Variants in ALAD observed in about 807,000 individuals in gnomAD.
ALAD encodes delta-aminolevulinic acid dehydratase.
A neutral mutation model predicts 44.4 loss-of-function variants in ALAD; 20 were observed. That is an observed-to-expected ratio of 0.45 (90% CI 0.32 to 0.65). The LOEUF (loss-of-function observed/expected upper bound fraction) is 0.65, where lower values mean the gene tolerates loss of function less well. Ranked by LOEUF, ALAD falls within the 30% of genes least tolerant of loss-of-function variation. The pLI, the probability that ALAD is intolerant of heterozygous loss-of-function variation, is 0.05. For missense variants in ALAD, 323 were observed against 445.7 expected (o/e 0.72, Z 2.48); for synonymous variants, 156 against 167.9 (o/e 0.93, Z 0.55).
Position 113,389,553 on chromosome 9 carries a change from T to C in ALAD, c.715-29A>G. 3 of 1,614,060 alleles carry C rather than the reference T, an allele frequency of 1.9e-6. No homozygotes were observed. In the African/African-American group the frequency reaches 4.0e-5, roughly 22 times the overall value. ...AGGGATGAGGGTATAATGTGGGTGG[T>C]GCCTAGGAGGGGGCTGAGGGTGGGG... On this transcript the variant is annotated intron_variant, in intron 9 of 11. Transcript: ENST00000409155.
chr9:113,389,182 T>C (rs775642490), intron 10 of ALAD, 76 bp from the exon 11 acceptor site: 1 of 1,587,862 alleles, frequency 6.3e-7, no homozygotes, highest in Non-Finnish European at 8.6e-7. Flanking sequence ...TCCCCCCTGC[T>C]CAATCTGTGA....
Position 113,388,055 on chromosome 9 carries a change from G to A in ALAD, c.*245C>T. On this transcript the variant is annotated 3_prime_UTR_variant, in exon 12 of 12. Transcript: ENST00000409155. Reference sequence around the variant, plus strand: ...AGAGGAAAGAGCTGAGGGTGGCAAAGGTGGGCCTCACGGCTGACCCAGGGG... The same window carrying A: ...AGAGGAAAGAGCTGAGGGTGGCAAAAGTGGGCCTCACGGCTGACCCAGGGG... The A allele has an allele frequency of 3.6e-6, 2 of 554,852 alleles. No homozygotes were observed. The highest frequency in any genetic ancestry group is 4.9e-4 in the Middle Eastern group (1 of 2,026). 34.4% of individuals were successfully genotyped at this position (554,852 alleles called of 1,614,324 possible).
At chr9:113,388,918 G>C (rs886377839) in intron 11 of ALAD, 59 bp downstream of exon 11, 30 of 1,612,702 alleles carry the variant, frequency 1.9e-5, no homozygotes, top group Non-Finnish European at 2.4e-5. Flanking sequence ...CCCAATCTAG[G>C]CAGAGTGCTT....
In ALAD at chr9:113,390,890, A is replaced by G. The variant is rs1827562999; in HGVS notation, c.305T>C (p.Ile102Thr). 1 of 1,614,138 alleles carries G rather than the reference A, an allele frequency of 6.2e-7. No individual in the cohort carries two copies. The highest frequency in any genetic ancestry group is 8.5e-7 in the Non-Finnish European group (1 of 1,180,014). The change falls in exon 5 of 12, where the codon ATT (isoleucine) becomes ACT (threonine). Residue 102 changes from isoleucine (I) to threonine (T), a missense_variant. Coordinates refer to ENST00000409155, the MANE Select transcript of ALAD (RefSeq NM_000031.6). The part of the protein sequence containing the change: ...SAADSEESPA[I>T]EAIHLLRKTF... ...CTTCCTCAACAGATGGATTGCCTCA[A>G]TAGCTGGGGACTCCTCGGAGTCAGC...
rs371116834 is a variant in ALAD, at chr9:113,394,020, C to T, written c.-75-386G>A. The stretch of plus-strand genomic sequence containing the variant: ...GTGGTGCAATCTCGACTCACTGCAG[C>T]CTTGACCTCCCGGGCTCAACTGTTT... On this transcript the variant is annotated intron_variant, in intron 1 of 11. Transcript: ENST00000409155. Among the ~76,000 whole-genome samples the T allele has an allele frequency of 1.7e-4, 26 of 151,166 alleles. No homozygotes were observed. In the East Asian group the frequency reaches 4.8e-3, roughly 28 times the overall value.
chr9:113,392,405 T>A, intron 2 of ALAD: 2 of 1,244,810 alleles, frequency 1.6e-6, no homozygotes, highest in Non-Finnish European at 2.1e-6. Flanking sequence ...GAACGGTAAT[T>A]ACAGGAAGGA....
chr9:113,392,238 AGGGATGGTT>A, intron 2 of ALAD, 69 bp from the exon 3 acceptor site: 1 of 1,611,218 alleles, frequency 6.2e-7, no homozygotes, highest in Non-Finnish European at 8.5e-7. Context: ...GGCGACTGAG[AGGGATGGTT>A]GGGAAGCAGG....
intron 1 of ALAD, among the ~76,000 whole-genome samples, chr9:113,393,874 C>T (rs1414924693): frequency 6.6e-6 from 1 of 152,054 alleles, no homozygotes; most frequent in Non-Finnish European, 1.5e-5. Flanking sequence ...TTTTATGTGA[C>T]TGCTTCTTGT....
Position 113,389,595 on chromosome 9 carries a change from TCAC to T in ALAD, c.714+1_714+3del. The T allele has an allele frequency of 6.2e-7, 1 of 1,614,102 alleles. No homozygotes were observed. Among genetic ancestry groups the T allele is most frequent in the Admixed American group, 1.7e-5 (1 of 60,020 alleles). ...AGGGTGGGGCTCAAGTCCTAGTCAC[TCAC>T]CACAGCTCGGAGAGCCAGGCCTCGT... is the stretch of plus-strand genomic sequence containing the variant. On this transcript the variant is annotated splice_donor_variant and splice_donor_region_variant and intron_variant, in intron 9 of 11. Transcript: ENST00000409155. LOFTEE classifies it high-confidence loss of function.
At chr9:113,396,988 G>A (rs1827746510) in intron 1 of ALAD, 1 of 152,326 alleles carries the variant, frequency 6.6e-6, no homozygotes, top group African/African-American at 2.4e-5. Context: ...GCAGGCCTGA[G>A]TCCAACTGCT....
At chr9:113,388,415 C>CACA (rs1044408379) in intron 11 of ALAD, 54 bp from the exon 12 acceptor site, 61 of 1,560,522 alleles carry the variant, frequency 3.9e-5, no homozygotes, top group Non-Finnish European at 5.1e-5. Context: ...CAGCTCTGAG[C>CACA]ACACCTTCTG....
At position 113,390,507 on chromosome 9, in the gene ALAD, G is replaced by C; in HGVS notation, c.482-14C>G. 6.2e-7 allele frequency: 1 copy of C among 1,613,996 alleles called. No homozygotes were observed. On this transcript the variant is annotated splice_polypyrimidine_tract_variant and intron_variant, in intron 6 of 11. Transcript: ENST00000409155. ...CCACCTGACATCCTGGGGGGCAGAG[G>C]GTGGCCTTCAGAACTCTGGGGCCCT...
At chr9:113,400,799 G>A (rs972131073) in intron 1 of ALAD, among the ~76,000 whole-genome samples, 19 of 152,150 alleles carry the variant, frequency 1.2e-4, no homozygotes, top group African/African-American at 4.1e-4. Flanking sequence ...TCCAGCCTGG[G>A]CAACAAGAGC....
Position 113,386,426 on chromosome 9 carries a change from TAA to T in ALAD, c.*1872_*1873del, listed in dbSNP as rs1827396977. On this transcript the variant is annotated 3_prime_UTR_variant, in exon 12 of 12. Coordinates refer to ENST00000409155, the MANE Select transcript of ALAD (RefSeq NM_000031.6). ...CTAATGTAAGTGTTCTGAGCATGTTTAAGGCAGGCTAGGCTAAGCTATGATGT... is the reference window on the plus strand; with the variant it reads ...CTAATGTAAGTGTTCTGAGCATGTTTGGCAGGCTAGGCTAAGCTATGATGT... 6.6e-6 allele frequency: 1 copy of T among 152,240 alleles called. No homozygotes were observed. The highest frequency in any genetic ancestry group is 2.1e-4 in the South Asian group (1 of 4,830). The allele number at this position is 152,240 out of a possible 1,614,324, so 9.4% of individuals were successfully genotyped here.
At chr9:113,393,138 C>T (rs1449245870) in intron 2 of ALAD, 3 of 380,516 alleles carry the variant, frequency 7.9e-6, no homozygotes, top group South Asian at 2.6e-5. Flanking sequence ...CCATCTCTTA[C>T]AGGTACATAG....
intron 1 of ALAD, among the ~76,000 whole-genome samples, chr9:113,394,220 G>A (rs909485831): frequency 3.3e-5 from 5 of 149,996 alleles, no homozygotes; most frequent in South Asian, 4.2e-4. Flanking sequence ...GATTACAGGC[G>A]TGAGCCACGG....
chr9:113,388,223 A>G lies in ALAD; in HGVS notation c.*77T>C. Reference sequence around the variant, plus strand: ...ATGAGGGCACAGTTCTAAAAGCAGCATTTACTTTGGTTTTCACTTGTCTGA... The same window carrying G: ...ATGAGGGCACAGTTCTAAAAGCAGCGTTTACTTTGGTTTTCACTTGTCTGA... On this transcript the variant is annotated 3_prime_UTR_variant, in exon 12 of 12. Transcript: ENST00000409155. The G allele has an allele frequency of 6.9e-7, 1 of 1,455,422 alleles. No homozygotes were observed. The highest frequency in any genetic ancestry group is 1.1e-5 in the South Asian group (1 of 87,842). 90.2% of individuals were successfully genotyped at this position (1,455,422 alleles called of 1,614,324 possible). A position where few individuals can be genotyped will look rare whatever the true frequency, so the allele number is the denominator to read the frequency against.
At chr9:113,398,349 CACAA>C (rs1827784589) in intron 1 of ALAD, among the ~76,000 whole-genome samples, 1 of 152,172 alleles carries the variant, frequency 6.6e-6, no homozygotes, top group Admixed American at 6.5e-5. Flanking sequence ...ACTCACTTCC[CACAA>C]ACAATCTCTG....
intron 1 of ALAD, 32 bp from the exon 2 acceptor site, chr9:113,393,666 T>A: frequency 1.1e-6 from 1 of 887,118 alleles, no homozygotes; most frequent in Non-Finnish European, 1.9e-6. Flanking sequence ...ACATGAGACA[T>A]GGTCCCTGTC....
Sources: gnomAD v4.1 joint callset for allele counts (sites outside exome capture counted in the v4.1 genomes callset) on GRCh38, gnomAD v4.1.1 for gene constraint, MANE v1.5 for transcripts, NCBI Gene and HGNC (gene_info 2026-07-23, HGNC 2026-07-21) for gene names.